SLC35E3: variants seen among roughly 807,000 people sequenced by gnomAD.
SLC35E3 encodes the protein bladder cancer-overexpressed gene 1 protein.
Under a neutral mutation model 30.8 loss-of-function variants are expected in SLC35E3, and 28 were observed. The ratio of observed to expected loss-of-function variants is 0.91; its 90% CI spans 0.67 to 1.25. The LOEUF (loss-of-function observed/expected upper bound fraction) is 1.25. Ranked by LOEUF, SLC35E3 falls within the 50% of genes most tolerant of loss-of-function variation. SLC35E3 has a pLI of 0.00. For synonymous variants in SLC35E3, 146 were observed against 149.2 expected (o/e 0.98, Z 0.16); for missense variants, 365 against 375.4 (o/e 0.97, Z 0.23).
rs925442022 is a variant in SLC35E3 at position 68,765,256 on chromosome 12, C to CAA, written c.*377_*378dup. The CAA allele has an allele frequency of 1.5e-5, 2 of 129,716 alleles. No homozygotes were observed. Among genetic ancestry groups the CAA allele is most frequent in the African/African-American group, 2.9e-5 (1 of 34,716 alleles). 8.0% of individuals were successfully genotyped at this position (129,716 alleles called of 1,614,324 possible). ...GGGCAACAAGAGCGAAACTCCATTT[C>CAA]AAAAAAAAAAAATTGGTGACAGACT... On this transcript the variant is annotated 3_prime_UTR_variant, in exon 5 of 5. Coordinates refer to ENST00000398004, the MANE Select transcript of SLC35E3 (RefSeq NM_018656.5).
Position 68,770,959 on chromosome 12 carries a change from T to G in SLC35E3, c.*6069T>G, listed in dbSNP as rs1344766365. On this transcript the variant is annotated 3_prime_UTR_variant, in exon 5 of 5. Coordinates refer to ENST00000398004, the MANE Select transcript of SLC35E3 (RefSeq NM_018656.5). ...ATGAGGCAGAGGAATATTATGGGCCTTCTTGATACTGAGATATCCAATTAA... is the reference window on the plus strand; with the variant it reads ...ATGAGGCAGAGGAATATTATGGGCCGTCTTGATACTGAGATATCCAATTAA... 3 of 177,668 alleles carry G rather than the reference T, an allele frequency of 1.7e-5. No individual in the cohort carries two copies. The highest frequency in any genetic ancestry group is 3.6e-5 in the Non-Finnish European group (3 of 82,278). 11.0% of individuals were successfully genotyped at this position (177,668 alleles called of 1,614,324 possible).
At chr12:68,762,148 A>G (rs1054464768) in intron 4 of SLC35E3, among the ~76,000 whole-genome samples, 1 of 152,130 alleles carries the variant, frequency 6.6e-6, no homozygotes, top group Admixed American at 6.6e-5. Context: ...TTGGATAAAC[A>G]AGTCAGGGTT....
chr12:68,746,887 A>G (rs1878603118), intron 1 of SLC35E3, 108 bp downstream of exon 1: 9 of 1,203,786 alleles, frequency 7.5e-6, no homozygotes, highest in Admixed American at 2.5e-5. Context: ...GAAATCCACA[A>G]ATGAGTCATC....
intron 1 of SLC35E3, 71 bp from the exon 2 acceptor site, chr12:68,747,859 T>C (rs780988924): frequency 2.0e-5 from 15 of 748,924 alleles, no homozygotes; most frequent in Middle Eastern, 3.5e-4. Context: ...TTGTAAGACA[T>C]TGTGAAAGGA....
chr12:68,747,829 TTA>T, intron 1 of SLC35E3, 99 bp from the exon 2 acceptor site: 1 of 619,256 alleles, frequency 1.6e-6, no homozygotes, highest in East Asian at 2.6e-5. Flanking sequence ...TGTTTCCCAG[TTA>T]TGTGTTTATC....
intron 3 of SLC35E3, among the ~76,000 whole-genome samples, chr12:68,757,934 C>A (rs1443344808): frequency 6.9e-5 from 10 of 144,208 alleles, no homozygotes; most frequent in Admixed American, 4.2e-4. Context: ...CCAAAAAATT[C>A]AAAAAAAATT....
chr12:68,764,687 T>A lies in SLC35E3; in HGVS notation c.756-17T>A, dbSNP rs377632438. The A allele has an allele frequency of 1.1e-5, 18 of 1,610,394 alleles. No individual in the cohort carries two copies. In the African/African-American group the frequency reaches 2.4e-4, roughly 22 times the overall value. On this transcript the variant is annotated splice_polypyrimidine_tract_variant and intron_variant, in intron 4 of 4. Coordinates refer to ENST00000398004, the MANE Select transcript of SLC35E3 (RefSeq NM_018656.5). ...TCTATCTTGTTATTCCTTTTTATCCTTATCCAAAAACCTCAGCTATAACAT... is the reference window on the plus strand; with the variant it reads ...TCTATCTTGTTATTCCTTTTTATCCATATCCAAAAACCTCAGCTATAACAT...
In SLC35E3 at chr12:68,778,703, T is replaced by C. The variant is rs913125174; in HGVS notation, c.*13813T>C. 1 of 151,796 alleles carries C rather than the reference T, an allele frequency of 6.6e-6. No homozygotes were observed. The highest frequency in any genetic ancestry group is 1.5e-5 in the Non-Finnish European group (1 of 68,096). 9.4% of individuals were successfully genotyped at this position (151,796 alleles called of 1,614,324 possible). Reference sequence around the variant, plus strand: ...TACTTGGGAGGCTGAGGCAGGAGAATTGCTTGAACCGGGAGGGTAGAGGTT... The same window carrying C: ...TACTTGGGAGGCTGAGGCAGGAGAACTGCTTGAACCGGGAGGGTAGAGGTT... On this transcript the variant is annotated 3_prime_UTR_variant, in exon 5 of 5. Coordinates refer to ENST00000398004, the MANE Select transcript of SLC35E3 (RefSeq NM_018656.5).
Position 68,766,842 on chromosome 12 carries a change from C to T in SLC35E3, c.*1952C>T, listed in dbSNP as rs1218643499. 2.3e-6 allele frequency: 1 copy of T among 438,492 alleles called. No individual in the cohort carries two copies. Among genetic ancestry groups the T allele is most frequent in the Non-Finnish European group, 4.6e-6 (1 of 218,760 alleles). 27.2% of individuals were successfully genotyped at this position (438,492 alleles called of 1,614,324 possible). A position where few individuals can be genotyped will look rare whatever the true frequency, so the allele number is the denominator to read the frequency against. ...TCAAGCCATCTGTCTGCCTCAGCCTCTCGAAGTGCTGGGATTACAGGCCTG... is the reference window on the plus strand; with the variant it reads ...TCAAGCCATCTGTCTGCCTCAGCCTTTCGAAGTGCTGGGATTACAGGCCTG... On this transcript the variant is annotated 3_prime_UTR_variant, in exon 5 of 5. Coordinates refer to ENST00000398004, the MANE Select transcript of SLC35E3 (RefSeq NM_018656.5).
Position 68,746,589 on chromosome 12 carries a change from G to A in SLC35E3, c.212G>A (p.Ser71Asn), listed in dbSNP as rs570811756. ...AAGCTGGACATCTTTGCCCCCAAAA[G>A]TCTGCCGCCCTCCAGGCTCCTCCTC... ...CQKLDIFAPK[S>N]LPPSRLLLLA... The change falls in exon 1 of 5, where the codon AGT becomes AAT. Residue 71 changes from serine to asparagine, a missense_variant. Physicochemically the swap from Ser to Asn is conservative, Grantham distance 46. Coordinates refer to ENST00000398004, the MANE Select transcript of SLC35E3 (RefSeq NM_018656.5). 6.8e-6 allele frequency: 11 copies of A among 1,614,242 alleles called. No homozygotes were observed. In the South Asian group the frequency reaches 1.1e-4, roughly 16 times the overall value.
At chr12:68,747,848 C>A in intron 1 of SLC35E3, 82 bp from the exon 2 acceptor site, 1 of 701,886 alleles carries the variant, frequency 1.4e-6, no homozygotes, top group Non-Finnish European at 2.5e-6. Context: ...TATCATTAGC[C>A]TTGTAAGACA....
In SLC35E3 at chr12:68,747,875, A is replaced by T. The variant is rs1878652464; in HGVS notation, c.403-55A>T. On this transcript the variant is annotated intron_variant, in intron 1 of 4. Coordinates refer to ENST00000398004, the MANE Select transcript of SLC35E3 (RefSeq NM_018656.5). ...TGTAAGACATTGTGAAAGGAATACT[A>T]AATTTTTGTCTCTTGAATTTAATCT... 1.7e-5 allele frequency: 15 copies of T among 889,024 alleles called. No homozygotes were observed. The South Asian group carries it at 2.2e-4, about 13-fold the overall frequency. The allele number at this position is 889,024 out of a possible 1,614,324, so 55.1% of individuals were successfully genotyped here.
Position 68,778,568 on chromosome 12 carries a change from T to A in SLC35E3, c.*13678T>A, listed in dbSNP as rs1462863813. On this transcript the variant is annotated 3_prime_UTR_variant, in exon 5 of 5. Coordinates refer to ENST00000398004, the MANE Select transcript of SLC35E3 (RefSeq NM_018656.5). Reference sequence around the variant, plus strand: ...ACTTTGCAAGGCCGAAGCGGGTGGATCACCTGAGGTCAGGAGTTTGAGACC... The same window carrying A: ...ACTTTGCAAGGCCGAAGCGGGTGGAACACCTGAGGTCAGGAGTTTGAGACC... The A allele has an allele frequency of 1.3e-5, 2 of 152,178 alleles. No individual in the cohort carries two copies. The highest frequency in any genetic ancestry group is 2.4e-5 in the African/African-American group (1 of 41,430). The allele number at this position is 152,178 out of a possible 1,614,324, so 9.4% of individuals were successfully genotyped here.
intron 2 of SLC35E3, among the ~76,000 whole-genome samples, chr12:68,748,457 C>T (rs1195951234): frequency 6.6e-6 from 1 of 151,796 alleles, no homozygotes; most frequent in East Asian, 1.9e-4. Flanking sequence ...ATGTTTTTGC[C>T]TCAAAAATTA....
chr12:68,755,731 A>G (rs1214496909), intron 3 of SLC35E3, among the ~76,000 whole-genome samples: 14 of 152,122 alleles, frequency 9.2e-5, no homozygotes, highest in Non-Finnish European at 1.9e-4. Flanking sequence ...AGTCTCTTTT[A>G]AACAGCTAGC....
intron 2 of SLC35E3, among the ~76,000 whole-genome samples, chr12:68,750,675 G>A (rs1322224168): frequency 6.6e-6 from 1 of 152,216 alleles, no homozygotes; most frequent in Non-Finnish European, 1.5e-5. Flanking sequence ...GCCTGAAGAG[G>A]CTGCAAAAGG....
At position 68,771,884 on chromosome 12, in the gene SLC35E3, ATCCAAATAATT is replaced by A. The variant is rs1879610539; in HGVS notation, c.*6999_*7009del. 6.6e-6 allele frequency: 1 copy of A among 152,310 alleles called. No homozygotes were observed. The highest frequency in any genetic ancestry group is 1.9e-4 in the East Asian group (1 of 5,186). The allele number at this position is 152,310 out of a possible 1,614,324, so 9.4% of individuals were successfully genotyped here. A position where few individuals can be genotyped will look rare whatever the true frequency, so the allele number is the denominator to read the frequency against. On this transcript the variant is annotated 3_prime_UTR_variant, in exon 5 of 5. Transcript: ENST00000398004. Reference sequence around the variant, plus strand: ...CTTCACCTATAAAATGAGGGCTTTGATCCAAATAATTTCCAGGGGACTGTCCAGCTCCAAAA... The same window carrying A: ...CTTCACCTATAAAATGAGGGCTTTGATCCAGGGGACTGTCCAGCTCCAAAA...
Position 68,776,908 on chromosome 12 carries a change from A to T in SLC35E3, c.*12018A>T, listed in dbSNP as rs922883300. 2.0e-5 allele frequency: 3 copies of T among 152,110 alleles called. No individual in the cohort carries two copies. Among genetic ancestry groups the T allele is most frequent in the African/African-American group, 7.3e-5 (3 of 41,378 alleles). 9.4% of individuals were successfully genotyped at this position (152,110 alleles called of 1,614,324 possible). A position where few individuals can be genotyped will look rare whatever the true frequency, so the allele number is the denominator to read the frequency against. Reference sequence around the variant, plus strand: ...GGAGGTGGTCTACCTGCCCTTCACCATCATCTTTGTGCTCTCTGACACTGG... The same window carrying T: ...GGAGGTGGTCTACCTGCCCTTCACCTTCATCTTTGTGCTCTCTGACACTGG... On this transcript the variant is annotated 3_prime_UTR_variant, in exon 5 of 5. Coordinates refer to ENST00000398004, the MANE Select transcript of SLC35E3 (RefSeq NM_018656.5).
rs1169098023 is a variant in SLC35E3 at position 68,777,851 on chromosome 12, C to T, written c.*12961C>T. 6.6e-6 allele frequency: 1 copy of T among 152,464 alleles called. No individual in the cohort carries two copies. The highest frequency in any genetic ancestry group is 2.4e-5 in the African/African-American group (1 of 41,470). The allele number at this position is 152,464 out of a possible 1,614,324, so 9.4% of individuals were successfully genotyped here. A position where few individuals can be genotyped will look rare whatever the true frequency, so the allele number is the denominator to read the frequency against. On this transcript the variant is annotated 3_prime_UTR_variant, in exon 5 of 5. Transcript: ENST00000398004. ...GTTTGCTGCCGGCTGGGTGTGGTGG[C>T]TCATGCCTATAATCCCAGCACTTTG...
Sources: allele counts gnomAD v4.1 joint callset (sites outside exome capture counted in the v4.1 genomes callset), GRCh38; gene constraint gnomAD v4.1.1; transcripts MANE v1.5; gene names NCBI Gene and HGNC (gene_info 2026-07-23, HGNC 2026-07-21).